BCOR: variants seen among roughly 807,000 people sequenced by gnomAD.
The protein encoded by BCOR is BCL6 corepressor, also known as BCL-6 corepressor.
A neutral mutation model predicts 86.7 loss-of-function variants in BCOR; 10 were observed. The observed-to-expected ratio is 0.12, with a 90% CI of 0.07 to 0.20. BCOR has a LOEUF of 0.20. Among genes scored for constraint, BCOR ranks in the 10% least tolerant of loss-of-function variants. The pLI is 1.00. For synonymous variants in BCOR, 611 were observed against 609.0 expected (o/e 1.00, Z -0.05); for missense variants, 1,259 against 1,452.1 (o/e 0.87, Z 2.16).
At chrX:40,167,928 T>A (rs1009921272) in intron 1 of BCOR, among the ~76,000 whole-genome samples, 1 of 113,008 alleles carries the variant, frequency 8.8e-6, no homozygotes, top group Non-Finnish European at 1.9e-5. Context: ...CCGCGAGGCC[T>A]CCTACAGCTC....
chrX:40,163,054 T>C (rs1938450602), intron 1 of BCOR, among the ~76,000 whole-genome samples: 1 of 111,979 alleles, frequency 8.9e-6, no homozygotes, highest in Non-Finnish European at 1.9e-5. Context: ...TTAATTGTTT[T>C]TCCATACACA....
rs1212858334 is a variant in BCOR at position 40,097,800 on chromosome X, C to T, written c.-626G>A. Among the ~76,000 whole-genome samples the T allele has an allele frequency of 1.8e-5, 2 of 110,911 alleles. No individual in the cohort carries two copies. The highest frequency in any genetic ancestry group is 1.9e-5 in the Non-Finnish European group (1 of 52,205). On this transcript the variant is annotated 5_prime_UTR_variant, in exon 1 of 15. Transcript: ENST00000378444. The stretch of plus-strand genomic sequence containing the variant: ...GCGGCTTGGGCTCTCCGCCCGGCGG[C>T]TCGCGGGCTCCCCCTCCGCCGCCGC...
chrX:40,104,350 A>G (rs1275967867), intron 1 of BCOR, among the ~76,000 whole-genome samples: 1 of 112,112 alleles, frequency 8.9e-6, no homozygotes, highest in Non-Finnish European at 1.9e-5. Context: ...GAGAAAGGAA[A>G]TCACACTCCC....
At chrX:40,163,972 C>T (rs1810767998) in intron 1 of BCOR, among the ~76,000 whole-genome samples, 1 of 106,737 alleles carries the variant, frequency 9.4e-6, no homozygotes, top group Non-Finnish European at 1.9e-5. Flanking sequence ...TGCGGTGAGC[C>T]GAGATGGTGC....
intron 1 of BCOR, among the ~76,000 whole-genome samples, chrX:40,153,984 C>T (rs1419757254): frequency 9.1e-6 from 1 of 110,492 alleles, no homozygotes; most frequent in Non-Finnish European, 1.9e-5. Context: ...CAGCTGCGAC[C>T]GAGGGCGCAA....
chrX:40,106,566 G>GCTCCCGC (rs760145873), intron 1 of BCOR, among the ~76,000 whole-genome samples: 139 of 102,489 alleles, frequency 1.4e-3, no homozygotes, highest in Non-Finnish European at 2.2e-3. Flanking sequence ...CCCTCCCCGC[G>GCTCCCGC]CTCCCGCCTC....
At chrX:40,087,267 C>T (rs1336922231) in intron 1 of BCOR, among the ~76,000 whole-genome samples, 1 of 113,054 alleles carries the variant, frequency 8.8e-6, no homozygotes, top group Non-Finnish European at 1.9e-5. Flanking sequence ...GGCCGCCCCA[C>T]TGATCAAAAT....
chrX:40,129,345 A>G (rs761071620), intron 1 of BCOR, among the ~76,000 whole-genome samples: 75 of 110,687 alleles, frequency 6.8e-4, no homozygotes, highest in African/African-American at 2.4e-3. Context: ...TTAGCTGGGT[A>G]TGTTGGCACG....
rs755930637 is a variant in BCOR at position 40,074,722 on chromosome X, G to A, written c.624C>T (p.Asp208=). Residue 208 remains aspartate, a synonymous_variant, in exon 4 of 15, where the codon GAC becomes GAT. Coordinates refer to ENST00000378444, the MANE Select transcript of BCOR (RefSeq NM_001123385.2). ...GATPAIYPFL[D]SPNKYSLNMY... ...TGTTCAGTGAATACTTATTTGGCGAGTCGAGGAAAGGGTAGATGGCTGGCG... is the reference window on the plus strand; with the variant it reads ...TGTTCAGTGAATACTTATTTGGCGAATCGAGGAAAGGGTAGATGGCTGGCG... 8.3e-7 allele frequency: 1 copy of A among 1,209,857 alleles called. No individual in the cohort carries two copies. Among genetic ancestry groups the A allele is most frequent in the African/African-American group, 1.8e-5 (1 of 57,078 alleles).
intron 1 of BCOR, among the ~76,000 whole-genome samples, chrX:40,152,123 G>A (rs142891323): frequency 0.026 from 2,838 of 111,084 alleles, 78 homozygotes; most frequent in African/African-American, 0.087. Flanking sequence ...GGGGTTGCAG[G>A]GGGGTATCCG....
At chrX:40,080,370 G>C (rs765053442) in intron 1 of BCOR, among the ~76,000 whole-genome samples, 2 of 111,007 alleles carry the variant, frequency 1.8e-5, no homozygotes, top group Non-Finnish European at 3.8e-5. Flanking sequence ...GAACCTGGGA[G>C]GTGGAGGTTG....
intron 6 of BCOR, among the ~76,000 whole-genome samples, chrX:40,065,650 A>G (rs1299605468): frequency 1.8e-5 from 2 of 111,973 alleles, no homozygotes; most frequent in Non-Finnish European, 3.8e-5. Flanking sequence ...TGCTGGTCAC[A>G]ATTTTTCTAA....
intron 1 of BCOR, among the ~76,000 whole-genome samples, chrX:40,154,068 G>T (rs1038452516): frequency 8.9e-6 from 1 of 112,053 alleles, no homozygotes; most frequent in Admixed American, 9.3e-5. Context: ...AAAGGGAGGC[G>T]GCGGGGGAGG....
chrX:40,151,473 C>T (rs943249863), intron 1 of BCOR, among the ~76,000 whole-genome samples: 3 of 112,971 alleles, frequency 2.7e-5, no homozygotes, highest in Non-Finnish European at 5.6e-5. Flanking sequence ...CTGGCTAGTA[C>T]CCGAGCCTTG....
chrX:40,150,940 T>C (rs1010436857), intron 1 of BCOR, among the ~76,000 whole-genome samples: 1 of 112,376 alleles, frequency 8.9e-6, no homozygotes, highest in African/African-American at 3.2e-5. Flanking sequence ...CTGGGCCTCT[T>C]ACAGATCCAT....
At position 40,074,827 on chromosome X, in the gene BCOR, G is replaced by A. The variant is rs138917640; in HGVS notation, c.519C>T (p.Ser173=). 424 of 1,209,884 alleles carry A rather than the reference G, an allele frequency of 3.5e-4. No homozygotes were observed. The highest frequency in any genetic ancestry group is 4.3e-4 in the Non-Finnish European group (385 of 895,144). ...AEALGLDRPA[S]DKQSPLNING... The stretch of plus-strand genomic sequence containing the variant: ...TGATGTTGAGAGGGCTCTGTTTGTC[G>A]CTGGCAGGCCTGTCCAAGCCCAGCG... The change falls in exon 4 of 15, where the codon AGC becomes AGT. Residue 173 remains serine, a synonymous_variant. Coordinates refer to ENST00000378444, the MANE Select transcript of BCOR (RefSeq NM_001123385.2).
At chrX:40,082,468 G>A (rs1034576717) in intron 1 of BCOR, among the ~76,000 whole-genome samples, 11 of 111,529 alleles carry the variant, frequency 9.9e-5, no homozygotes, top group Middle Eastern at 4.2e-3. Context: ...TGCCCCCACC[G>A]GCAGCTATCC....
intron 1 of BCOR, among the ~76,000 whole-genome samples, chrX:40,080,635 C>T (rs188701647): frequency 1.1e-3 from 126 of 111,221 alleles, no homozygotes; most frequent in South Asian, 1.9e-3. Context: ...AAGGTGACTG[C>T]GGTTTACAGG....
intron 1 of BCOR, among the ~76,000 whole-genome samples, chrX:40,081,406 T>C (rs1401666864): frequency 8.9e-6 from 1 of 112,084 alleles, no homozygotes; most frequent in Admixed American, 9.4e-5. Flanking sequence ...GACATCAAAC[T>C]TCTAGAAGCT....
Sources: gnomAD v4.1 joint callset for allele counts (sites outside exome capture counted in the v4.1 genomes callset) on GRCh38, gnomAD v4.1.1 for gene constraint, MANE v1.5 for transcripts, NCBI Gene and HGNC (gene_info 2026-07-23, HGNC 2026-07-21) for gene names.